Variants in SLC16A1 observed in about 807,000 individuals in gnomAD.
SLC16A1 encodes the protein monocarboxylate transporter 1.
A neutral mutation model predicts 32.2 loss-of-function variants in SLC16A1; 11 were observed. The ratio of observed to expected loss-of-function variants is 0.34; its 90% CI spans 0.21 to 0.56. SLC16A1 has a LOEUF of 0.56. SLC16A1 is among the 20% of genes least tolerant of loss of function. The pLI is 0.87. For missense variants in SLC16A1, 435 were observed against 615.0 expected, an observed-to-expected ratio of 0.71 and a Z score of 3.10; for synonymous variants, 231 against 226.8, an observed-to-expected ratio of 1.02 and a Z score of -0.17.
intron 3 of SLC16A1, among the ~76,000 whole-genome samples, chr1:112,921,199 G>T (rs1421576915): frequency 2.0e-5 from 3 of 151,606 alleles, no homozygotes; most frequent in Non-Finnish European, 4.4e-5. Context: ...CTGTTCTCAC[G>T]TGTTAAACTG....
chr1:112,954,112 T>C (rs1649995070), intron 1 of SLC16A1, among the ~76,000 whole-genome samples: 1 of 152,196 alleles, frequency 6.6e-6, no homozygotes, highest in Admixed American at 6.5e-5. Flanking sequence ...GTTTTCCTCA[T>C]ACCCAAGTTC....
At chr1:112,934,268 A>G (rs1456499152) in intron 1 of SLC16A1, among the ~76,000 whole-genome samples, 2 of 152,214 alleles carry the variant, frequency 1.3e-5, no homozygotes, top group Non-Finnish European at 2.9e-5. Context: ...GGATTTTTGG[A>G]TTAGGGATGT....
chr1:112,919,173 G>C (rs1648625955), intron 3 of SLC16A1, among the ~76,000 whole-genome samples: 1 of 151,930 alleles, frequency 6.6e-6, no homozygotes, highest in Non-Finnish European at 1.5e-5. Flanking sequence ...TGGGACTACA[G>C]GCGCCCGCCA....
intron 3 of SLC16A1, among the ~76,000 whole-genome samples, chr1:112,921,462 T>C (rs1648732063): frequency 6.6e-6 from 1 of 152,210 alleles, no homozygotes; most frequent in Non-Finnish European, 1.5e-5. Flanking sequence ...AATTTGATCC[T>C]TTTTTGCTCA....
At chr1:112,920,508 C>T (rs1051585922) in intron 3 of SLC16A1, among the ~76,000 whole-genome samples, 6 of 151,860 alleles carry the variant, frequency 4.0e-5, no homozygotes, top group African/African-American at 1.2e-4. Context: ...TGGGAGGCTG[C>T]GGCAGGAGAA....
rs1285110467 is a variant in SLC16A1, at chr1:112,913,038, G to A, written c.*853C>T. 2.0e-5 allele frequency: 3 copies of A among 152,172 alleles called. No individual in the cohort carries two copies. The highest frequency in any genetic ancestry group is 4.8e-5 in the African/African-American group (2 of 41,450). 9.4% of individuals were successfully genotyped at this position (152,172 alleles called of 1,614,324 possible). ...AATTAGATGTGTTGTATTTACCAAG[G>A]AGGCACAAATATGTAGTTCTGTAGA... On this transcript the variant is annotated 3_prime_UTR_variant, in exon 5 of 5. Transcript: ENST00000369626.
chr1:112,929,944 C>A (rs891063442), intron 1 of SLC16A1, among the ~76,000 whole-genome samples: 2 of 152,170 alleles, frequency 1.3e-5, no homozygotes, highest in African/African-American at 2.4e-5. Context: ...CCCAATTCCA[C>A]GGGGGAAGAG....
At chr1:112,942,429 C>G (rs1029613485) in intron 1 of SLC16A1, among the ~76,000 whole-genome samples, 2 of 152,148 alleles carry the variant, frequency 1.3e-5, no homozygotes, top group East Asian at 3.8e-4. Flanking sequence ...CATAAAGAAC[C>G]AGCCTTAAGA....
chr1:112,934,246 A>G (rs1279201608), intron 1 of SLC16A1, among the ~76,000 whole-genome samples: 1 of 152,234 alleles, frequency 6.6e-6, no homozygotes, highest in African/African-American at 2.4e-5. Flanking sequence ...TCATTGGAAC[A>G]TTTCGAATTT....
At chr1:112,947,758 G>A (rs970706460) in intron 1 of SLC16A1, among the ~76,000 whole-genome samples, 12 of 152,052 alleles carry the variant, frequency 7.9e-5, no homozygotes, top group African/African-American at 2.9e-4. Context: ...ACTTCATTAT[G>A]ATGCTATCTT....
intron 1 of SLC16A1, among the ~76,000 whole-genome samples, chr1:112,940,100 T>C (rs777498468): frequency 2.1e-5 from 3 of 144,618 alleles, no homozygotes; most frequent in Non-Finnish European, 4.5e-5. Flanking sequence ...CAGGCTGGAG[T>C]AGAGTGGTGC....
At chr1:112,914,766 C>A (rs530843056) in intron 4 of SLC16A1, among the ~76,000 whole-genome samples, 3 of 152,304 alleles carry the variant, frequency 2.0e-5, no homozygotes, top group Admixed American at 6.5e-5. Context: ...GGCTTTAAAC[C>A]TAGAAAGTCT....
chr1:112,954,347 A>C (rs1650003772), intron 1 of SLC16A1, among the ~76,000 whole-genome samples: 1 of 152,196 alleles, frequency 6.6e-6, no homozygotes, highest in Non-Finnish European at 1.5e-5. Flanking sequence ...AATGAGTCCA[A>C]AGACACACAT....
chr1:112,920,956 T>A (rs1344339078), intron 3 of SLC16A1, among the ~76,000 whole-genome samples: 1 of 151,858 alleles, frequency 6.6e-6, no homozygotes, highest in Non-Finnish European at 1.5e-5. Context: ...ACTAATGCGA[T>A]GAAACCCCGT....
Position 112,917,260 on chromosome 1 carries a change from A to T in SLC16A1, c.1146T>A (p.Val382=). The T allele has an allele frequency of 6.2e-7, 1 of 1,614,246 alleles. No individual in the cohort carries two copies. Among genetic ancestry groups the T allele is most frequent in the South Asian group, 1.1e-5 (1 of 91,080 alleles). The change falls in exon 4 of 5, where the codon GTT becomes GTA. Residue 382 remains valine (V), a synonymous_variant. Transcript: ENST00000369626. The surrounding 1 kb of genome is among the most constrained non-coding windows in gnomAD (Gnocchi z 4.1). ...SVLFETLMDL[V]GPQRFSSAVG... ...CAGCGCTGGAGAACCTCTGGGGTCC[A>T]ACAAGGTCCATCAATGTTTCAAACA...
At chr1:112,928,380 T>C (rs113041546) in intron 2 of SLC16A1, among the ~76,000 whole-genome samples, 416 of 152,352 alleles carry the variant, frequency 2.7e-3, no homozygotes, top group African/African-American at 9.6e-3. Flanking sequence ...AATATATTCA[T>C]AGAACTTGAC....
chr1:112,929,625 C>T (rs1649059114), intron 1 of SLC16A1, among the ~76,000 whole-genome samples: 2 of 152,062 alleles, frequency 1.3e-5, no homozygotes, highest in Non-Finnish European at 2.9e-5. Flanking sequence ...GCAGGAGGAT[C>T]ACTTGTACTC....
intron 1 of SLC16A1, among the ~76,000 whole-genome samples, chr1:112,945,265 G>C (rs1384627617): frequency 6.6e-6 from 1 of 151,966 alleles, no homozygotes; most frequent in Non-Finnish European, 1.5e-5. Flanking sequence ...AAAGTGCTGG[G>C]CTTATAGGCA....
chr1:112,955,357 T>G (rs1051450769), intron 1 of SLC16A1: 2 of 151,866 alleles, frequency 1.3e-5, no homozygotes, highest in African/African-American at 4.8e-5. Context: ...AGTCCATGAG[T>G]AGAAGGGCGC....
Sources: allele counts gnomAD v4.1 joint callset (sites outside exome capture counted in the v4.1 genomes callset), GRCh38; gene constraint gnomAD v4.1.1; non-coding constraint Gnocchi (gnomAD v3.1); transcripts MANE v1.5; gene names NCBI Gene and HGNC (gene_info 2026-07-23, HGNC 2026-07-21).